IDI1: variants seen among roughly 807,000 people sequenced by gnomAD.
IDI1 encodes isopentenyl-diphosphate Delta-isomerase 1.
IDI1 carries 23 observed loss-of-function variants against 32.9 expected under a neutral mutation model. The observed-to-expected ratio is 0.70, with a 90% CI of 0.50 to 0.99. The LOEUF (loss-of-function observed/expected upper bound fraction) is 0.99. Ranked by LOEUF, IDI1 falls within the 50% of genes least tolerant of loss-of-function variation. The pLI, the probability that IDI1 is intolerant of heterozygous loss-of-function variation, is 0.00. For synonymous variants in IDI1, 133 were observed against 128.2 expected, an observed-to-expected ratio of 1.04 and a Z score of -0.25; for missense variants, 326 against 351.9, an observed-to-expected ratio of 0.93 and a Z score of 0.59.
the IDI1 span, chr10:1,056,558 C>T: frequency 6.6e-6 from 1 of 152,210 alleles, no homozygotes; most frequent in Non-Finnish European, 1.5e-5. Context: ...CTCGGAGCGC[C>T]CCGCCGGTGA....
At chr10:1,046,220 G>A (rs1287025302) in intron 1 of IDI1, among the ~76,000 whole-genome samples, 3 of 152,172 alleles carry the variant, frequency 2.0e-5, no homozygotes, top group Non-Finnish European at 4.4e-5. Flanking sequence ...GTCACATGAT[G>A]GTGTTTCGGT....
At chr10:1,049,168 C>A (rs1444289101), upstream of IDI1, 2 of 1,163,832 alleles carry the variant, frequency 1.7e-6, no homozygotes, top group Admixed American at 3.7e-5. Context: ...ACACGCCCCA[C>A]CCCCAGTTCC....
At position 1,048,490 on chromosome 10, in the gene IDI1, G is replaced by A; in HGVS notation, c.140+374C>T. 3.2e-6 allele frequency: 4 copies of A among 1,243,884 alleles called. No homozygotes were observed. The South Asian group carries it at 5.9e-5, about 18-fold the overall frequency. 77.1% of individuals were successfully genotyped at this position (1,243,884 alleles called of 1,614,324 possible). ...TCGTGTTTCTGACGATGCTGTCTAC[G>A]CTTGTTTCTGAATTCTCTAAGGGGA... On this transcript the variant is annotated intron_variant, in intron 1 of 4. Transcript: ENST00000381344.
intron 1 of IDI1, among the ~76,000 whole-genome samples, chr10:1,044,584 C>A (rs371379826): frequency 2.0e-5 from 3 of 152,140 alleles, no homozygotes; most frequent in South Asian, 4.1e-4. Flanking sequence ...TTGTTTTTCC[C>A]ACTGCCTGTC....
In IDI1 at chr10:1,049,043, AT is replaced by A; in HGVS notation, c.-41del. Reference sequence around the variant, plus strand: ...GCGCCCGTACGCGCTTGACGACACAATCTCGCCAAGCTTCGCCTGGTGGTGC... The same window carrying A: ...GCGCCCGTACGCGCTTGACGACACAACTCGCCAAGCTTCGCCTGGTGGTGC... On this transcript the variant is annotated 5_prime_UTR_variant, in exon 1 of 5. Transcript: ENST00000381344. The A allele has an allele frequency of 6.9e-7, 1 of 1,455,646 alleles. No homozygotes were observed. The allele number at this position is 1,455,646 out of a possible 1,614,324, so 90.2% of individuals were successfully genotyped here. A position where few individuals can be genotyped will look rare whatever the true frequency, so the allele number is the denominator to read the frequency against.
chr10:1,049,248 T>G, upstream of IDI1: 3 of 588,430 alleles, frequency 5.1e-6, 1 homozygote, highest in South Asian at 4.8e-5. Context: ...ACGCTTTCGA[T>G]CCTGCCGTGC....
intron 1 of IDI1, among the ~76,000 whole-genome samples, chr10:1,044,627 A>G (rs1200601175): frequency 6.6e-6 from 1 of 152,174 alleles, no homozygotes; most frequent in Non-Finnish European, 1.5e-5. Context: ...CCACAGGCCA[A>G]TCTTGGTTGA....
Position 1,040,965 on chromosome 10 carries a change from G to A in IDI1, c.*222C>T, listed in dbSNP as rs900043101. 1.0e-5 allele frequency: 4 copies of A among 400,704 alleles called. No individual in the cohort carries two copies. The highest frequency in any genetic ancestry group is 3.8e-5 in the East Asian group (1 of 26,538). 24.8% of individuals were successfully genotyped at this position (400,704 alleles called of 1,614,324 possible). A position where few individuals can be genotyped will look rare whatever the true frequency, so the allele number is the denominator to read the frequency against. On this transcript the variant is annotated 3_prime_UTR_variant, in exon 5 of 5. Transcript: ENST00000381344. The stretch of plus-strand genomic sequence containing the variant: ...TTTACAATAATCTCTCACAAATGTC[G>A]CTTAGAAACAGAACACATATCCAGG...
At chr10:1,042,215 G>T (rs1400094270) in intron 4 of IDI1, among the ~76,000 whole-genome samples, 2 of 152,144 alleles carry the variant, frequency 1.3e-5, no homozygotes, top group Non-Finnish European at 2.9e-5. Context: ...GAAAAAAAAT[G>T]ATTTCAATTA....
rs113198796 is a variant in IDI1 at position 1,045,497 on chromosome 10, C to T, written c.141-1326G>A. 2.6e-3 allele frequency among the ~76,000 whole-genome samples: 396 copies of T among 152,308 alleles called. 1 individual carries two copies. Among genetic ancestry groups the T allele is most frequent in the African/African-American group, 8.8e-3 (365 of 41,570 alleles). ...CTTTTTTGTTTCTGAGAGGGAGTCT[C>T]GTTTTGTTGCCCAGGCTGGAATGCA... On this transcript the variant is annotated intron_variant, in intron 1 of 4. Coordinates refer to ENST00000381344, the MANE Select transcript of IDI1 (RefSeq NM_004508.4).
chr10:1,048,143 GCAC>G, intron 1 of IDI1: 1 of 915,626 alleles, frequency 1.1e-6, no homozygotes, highest in South Asian at 1.5e-5. Flanking sequence ...TTAAAGGCGT[GCAC>G]CACCGCCCAG....
chr10:1,042,761 A>C lies in IDI1; in HGVS notation c.408T>G (p.Gly136=). ...QRSDAKITFP[G]CFTNTCCSHP... The stretch of plus-strand genomic sequence containing the variant: ...GACTACAACACGTATTCGTAAAACA[A>C]CCTGGAAAATGGTAATACAGAGACA... Residue 136 remains glycine, a splice_region_variant and synonymous_variant, in exon 4 of 5, where the codon GGT becomes GGG. Coordinates refer to ENST00000381344, the MANE Select transcript of IDI1 (RefSeq NM_004508.4). The C allele has an allele frequency of 6.2e-7, 1 of 1,613,594 alleles. No homozygotes were observed. The highest frequency in any genetic ancestry group is 8.5e-7 in the Non-Finnish European group (1 of 1,179,702).
chr10:1,053,418 CTG>C (rs778214922), upstream of IDI1, among the ~76,000 whole-genome samples: 1 of 152,216 alleles, frequency 6.6e-6, no homozygotes, highest in Non-Finnish European at 1.5e-5. Flanking sequence ...CTTCAGAAAA[CTG>C]AAGAGAGTTA....
At chr10:1,055,996 A>T in the IDI1 span, among the ~76,000 whole-genome samples, 1 of 152,140 alleles carries the variant, frequency 6.6e-6, no homozygotes, top group Non-Finnish European at 1.5e-5. Context: ...TTTAGTAAAG[A>T]CAGGGTTTCA....
At position 1,041,071 on chromosome 10, in the gene IDI1, C is replaced by A; in HGVS notation, c.*116G>T. ...TGTATATAATACATTAATGATAGTA[C>A]CAAATGATAGAACTAAATTTAATGA... is the stretch of plus-strand genomic sequence containing the variant. On this transcript the variant is annotated 3_prime_UTR_variant, in exon 5 of 5. Coordinates refer to ENST00000381344, the MANE Select transcript of IDI1 (RefSeq NM_004508.4). The A allele has an allele frequency of 1.5e-6, 1 of 663,746 alleles. No homozygotes were observed. The highest frequency in any genetic ancestry group is 2.5e-6 in the Non-Finnish European group (1 of 395,088). 41.1% of individuals were successfully genotyped at this position (663,746 alleles called of 1,614,324 possible). A position where few individuals can be genotyped will look rare whatever the true frequency, so the allele number is the denominator to read the frequency against.
At position 1,041,357 on chromosome 10, in the gene IDI1, A is replaced by T; in HGVS notation, c.685T>A (p.Cys229Ser). The change falls in exon 5 of 5, where the codon TGT (cysteine) becomes AGT (serine). Residue 229 changes from cysteine (C) to serine (S), a missense_variant. Cys to Ser is a moderately radical substitution (Grantham distance 112). Transcript: ENST00000381344. ...NPDPNEIKSYCYVSKEELKEL... is the reference protein window; with the variant it reads ...NPDPNEIKSYSYVSKEELKEL... The stretch of plus-strand genomic sequence containing the variant: ...TTTAGTTCTTCCTTTGACACATAAC[A>T]ATAGCTTTTAATCTCATTGGGATCT... The T allele has an allele frequency of 6.2e-7, 1 of 1,613,752 alleles. No homozygotes were observed.
At position 1,039,537 on chromosome 10, in the gene IDI1, G is replaced by A. The variant is rs1051167900; in HGVS notation, c.*1650C>T. 1 of 152,216 alleles carries A rather than the reference G, an allele frequency of 6.6e-6. No homozygotes were observed. Among genetic ancestry groups the A allele is most frequent in the Admixed American group, 6.5e-5 (1 of 15,286 alleles). The allele number at this position is 152,216 out of a possible 1,614,324, so 9.4% of individuals were successfully genotyped here. A position where few individuals can be genotyped will look rare whatever the true frequency, so the allele number is the denominator to read the frequency against. ...GTTGAAAACCAACACATCTGCCTTT[G>A]GGGTCAGAAGCAGCTATATCTAGGA... On this transcript the variant is annotated 3_prime_UTR_variant, in exon 5 of 5. Coordinates refer to ENST00000381344, the MANE Select transcript of IDI1 (RefSeq NM_004508.4).
chr10:1,042,686 C>A lies in IDI1; in HGVS notation c.483G>T (p.Val161=). The A allele has an allele frequency of 2.5e-6, 4 of 1,614,068 alleles. No homozygotes were observed. The highest frequency in any genetic ancestry group is 1.3e-5 in the African/African-American group (1 of 75,032). Reference sequence around the variant, plus strand: ...TCAGCCGTCTCTGTGCTGCTCGCCTCACTCCAAGGGCGTCACTTTCCTCAA... The same window carrying A: ...TCAGCCGTCTCTGTGCTGCTCGCCTAACTCCAAGGGCGTCACTTTCCTCAA... The part of the protein sequence containing the change: ...AELEESDALG[V]RRAAQRRLKA... The change falls in exon 4 of 5, where the codon GTG becomes GTT. Residue 161 remains valine, a synonymous_variant. Coordinates refer to ENST00000381344, the MANE Select transcript of IDI1 (RefSeq NM_004508.4).
intron 1 of IDI1, among the ~76,000 whole-genome samples, chr10:1,045,455 T>C (rs976080331): frequency 6.6e-6 from 1 of 152,258 alleles, no homozygotes; most frequent in Admixed American, 6.5e-5. Flanking sequence ...TTCAAATACA[T>C]AGATTTTACT....
Sources: allele counts gnomAD v4.1 joint callset (sites outside exome capture counted in the v4.1 genomes callset), GRCh38; gene constraint gnomAD v4.1.1; transcripts MANE v1.5; gene names NCBI Gene and HGNC (gene_info 2026-07-23, HGNC 2026-07-21).